IL1RAPL1: variants seen among roughly 807,000 people sequenced by gnomAD.
The protein encoded by IL1RAPL1 is interleukin 1 receptor accessory protein like 1, also known as interleukin-1 receptor accessory protein-like 1.
Under a neutral mutation model 48.4 loss-of-function variants are expected in IL1RAPL1, and 3 were observed. The observed-to-expected ratio is 0.06, with a 90% confidence interval of 0.03 to 0.16. The LOEUF (loss-of-function observed/expected upper bound fraction) is 0.16, where lower values mean the gene tolerates loss of function less well. Ranked by LOEUF, IL1RAPL1 falls within the 10% of genes least tolerant of loss-of-function variation. The probability of loss-of-function intolerance (pLI) is 1.00; values close to 1 mark genes in which losing one functional copy is unlikely to be tolerated. For synonymous variants in IL1RAPL1, 185 were observed against 187.7 expected (o/e 0.99, Z 0.12); for missense variants, 349 against 530.6 (o/e 0.66, Z 3.36).
At chrX:28,647,570 T>C (rs981412860) in intron 1 of IL1RAPL1, among the ~76,000 whole-genome samples, 1 of 112,590 alleles carries the variant, frequency 8.9e-6, no homozygotes, top group African/African-American at 3.2e-5. Flanking sequence ...TAGAATAGGT[T>C]ATTTATTATA....
At chrX:28,682,847 AC>A (rs1160085747) in intron 1 of IL1RAPL1, among the ~76,000 whole-genome samples, 1 of 112,121 alleles carries the variant, frequency 8.9e-6, no homozygotes, top group Non-Finnish European at 1.9e-5. Flanking sequence ...TAAAACTGTT[AC>A]AAGTTAAAGT....
At chrX:28,589,772 C>A (rs781681409) in intron 1 of IL1RAPL1, among the ~76,000 whole-genome samples, 1 of 111,864 alleles carries the variant, frequency 8.9e-6, no homozygotes, top group Admixed American at 9.5e-5. Context: ...GCTTCCACAG[C>A]GTGTCAGAAA....
rs536454421 is a variant in IL1RAPL1 at position 29,610,251 on chromosome X, G to A, written c.704-58179G>A. Among the ~76,000 whole-genome samples the A allele has an allele frequency of 2.1e-4, 23 of 111,837 alleles. No homozygotes were observed. The South Asian group carries it at 8.6e-3, about 42-fold the overall frequency. On this transcript the variant is annotated intron_variant, in intron 5 of 10. Coordinates refer to ENST00000378993, the MANE Select transcript of IL1RAPL1 (RefSeq NM_014271.4). ...AGAGAGAATAACTTAGAAAGCAAGG[G>A]AGATTAGTTCCAGTAGAAAGACTAA...
chrX:29,021,720 C>G (rs1009622334), intron 2 of IL1RAPL1, among the ~76,000 whole-genome samples: 7 of 111,799 alleles, frequency 6.3e-5, no homozygotes. Flanking sequence ...TATTTATTCA[C>G]TGTCTTCGTC....
intron 1 of IL1RAPL1, among the ~76,000 whole-genome samples, chrX:28,638,411 C>T (rs1934491966): frequency 9.0e-6 from 1 of 110,664 alleles, no homozygotes; most frequent in African/African-American, 3.3e-5. Context: ...TTTCATGTTT[C>T]ACTGGTCAAG....
At chrX:29,197,083 C>T (rs973629912) in intron 2 of IL1RAPL1, among the ~76,000 whole-genome samples, 27 of 110,226 alleles carry the variant, frequency 2.4e-4, no homozygotes, top group African/African-American at 8.2e-4. Context: ...TCTTGTTGGC[C>T]CTTTAGGTTA....
intron 2 of IL1RAPL1, among the ~76,000 whole-genome samples, chrX:29,188,919 A>C (rs1217032164): frequency 9.0e-6 from 1 of 111,303 alleles, no homozygotes; most frequent in Non-Finnish European, 1.9e-5. Context: ...TGTCTCCTAA[A>C]GCCCTTTTTA....
chrX:29,911,806 G>A (rs181338173), intron 6 of IL1RAPL1, among the ~76,000 whole-genome samples: 3 of 111,991 alleles, frequency 2.7e-5, no homozygotes, highest in South Asian at 3.7e-4. Flanking sequence ...TTTAAGTACA[G>A]TCAGTCAACA....
At chrX:29,731,274 C>T (rs750212001) in intron 6 of IL1RAPL1, among the ~76,000 whole-genome samples, 1 of 112,439 alleles carries the variant, frequency 8.9e-6, no homozygotes, top group South Asian at 3.7e-4. Context: ...GAGATTTCCA[C>T]CTCAGCAAAG....
At chrX:28,778,197 G>A (rs1276639952) in intron 1 of IL1RAPL1, among the ~76,000 whole-genome samples, 1 of 111,947 alleles carries the variant, frequency 8.9e-6, no homozygotes, top group Non-Finnish European at 1.9e-5. Flanking sequence ...AATTTGCCAC[G>A]TGTAACAAAC....
At chrX:29,136,435 A>T (rs768509725) in intron 2 of IL1RAPL1, among the ~76,000 whole-genome samples, 5 of 110,282 alleles carry the variant, frequency 4.5e-5, no homozygotes, top group Admixed American at 9.6e-5. Flanking sequence ...CTGCATTTGA[A>T]CTCTTTATTC....
intron 2 of IL1RAPL1, among the ~76,000 whole-genome samples, chrX:29,204,186 G>A (rs1334630603): frequency 1.8e-5 from 2 of 111,892 alleles, no homozygotes; most frequent in African/African-American, 6.5e-5. Context: ...AAACAGGAGT[G>A]AGAATATCTC....
At chrX:29,218,026 C>T (rs1243562859) in intron 2 of IL1RAPL1, among the ~76,000 whole-genome samples, 1 of 111,431 alleles carries the variant, frequency 9.0e-6, no homozygotes, top group Non-Finnish European at 1.9e-5. Flanking sequence ...TCTTTAAAGA[C>T]AAAGTCAATC....
At position 29,469,567 on chromosome X, in the gene IL1RAPL1, A is replaced by C. The variant is rs767594337; in HGVS notation, c.703+70259A>C. Among the ~76,000 whole-genome samples the C allele has an allele frequency of 7.1e-5, 8 of 112,042 alleles. No individual in the cohort carries two copies. In the South Asian group the frequency reaches 3.0e-3, roughly 42 times the overall value. On this transcript the variant is annotated intron_variant, in intron 5 of 10. Transcript: ENST00000378993. ...TTCCCCAGGTGTGCTTTTTCATAGC[A>C]TCTCCATCCTAAACACAATTGCCTT...
At chrX:29,649,373 A>C (rs773439682) in intron 5 of IL1RAPL1, among the ~76,000 whole-genome samples, 1 of 111,973 alleles carries the variant, frequency 8.9e-6, no homozygotes, top group Non-Finnish European at 1.9e-5. Context: ...AACCAAATTC[A>C]ACAACACATA....
chrX:29,803,479 ATATGTATACATC>A (rs1269494660), intron 6 of IL1RAPL1, among the ~76,000 whole-genome samples: 6 of 98,244 alleles, frequency 6.1e-5, no homozygotes, highest in South Asian at 4.5e-4. Flanking sequence ...ATGTATACAT[ATATGTATACATC>A]TATGTATACA....
intron 5 of IL1RAPL1, among the ~76,000 whole-genome samples, chrX:29,489,379 A>G (rs1193870888): frequency 8.9e-6 from 1 of 112,196 alleles, no homozygotes; most frequent in Non-Finnish European, 1.9e-5. Flanking sequence ...AACGGAATAC[A>G]AGACAAGTAT....
At chrX:29,413,124 T>A (rs1043632732) in intron 5 of IL1RAPL1, among the ~76,000 whole-genome samples, 1 of 110,779 alleles carries the variant, frequency 9.0e-6, no homozygotes, top group Non-Finnish European at 1.9e-5. Context: ...CGAGATCTGA[T>A]AGGTTTAGAA....
chrX:29,825,107 AT>A, intron 6 of IL1RAPL1, among the ~76,000 whole-genome samples: 1 of 110,674 alleles, frequency 9.0e-6, no homozygotes, highest in Non-Finnish European at 1.9e-5. Flanking sequence ...TTTTTGTGTC[AT>A]TTTTGTCATC....
Sources: allele counts gnomAD v4.1 joint callset (sites outside exome capture counted in the v4.1 genomes callset), GRCh38; gene constraint gnomAD v4.1.1; transcripts MANE v1.5; gene names NCBI Gene and HGNC (gene_info 2026-07-23, HGNC 2026-07-21).